TMEM114: variants seen among roughly 807,000 people sequenced by gnomAD.
TMEM114 encodes claudin-26.
A neutral mutation model predicts 6.2 loss-of-function variants in TMEM114; 6 were observed. The observed-to-expected ratio is 0.97, with a 90% CI of 0.53 to 1.91. The LOEUF (loss-of-function observed/expected upper bound fraction) is 1.91. Among genes scored for constraint, TMEM114 ranks in the 40% most tolerant of loss-of-function variants. The pLI is 0.01. For synonymous variants in TMEM114, 104 were observed against 73.0 expected, an observed-to-expected ratio of 1.42 and a Z score of -2.16; for missense variants, 218 against 158.3, an observed-to-expected ratio of 1.38 and a Z score of -2.02.
chr16:8,570,183 C>T (rs1901685106), intron 3 of TMEM114, among the ~76,000 whole-genome samples, 178 bp from the exon 4 acceptor site: 1 of 152,222 alleles, frequency 6.6e-6, no homozygotes, highest in African/African-American at 2.4e-5. Flanking sequence ...GCTTCTCTGC[C>T]TGTCATCGGC....
At chr16:8,552,219 A>C (rs1900868015) in intron 2 of TMEM114, among the ~76,000 whole-genome samples, 1 of 151,984 alleles carries the variant, frequency 6.6e-6, no homozygotes, top group Non-Finnish European at 1.5e-5. Flanking sequence ...TGCAAAAAAA[A>C]AAAAAAATTT....
downstream of TMEM114, among the ~76,000 whole-genome samples, chr16:8,567,174 G>T (rs538449087): frequency 2.6e-5 from 4 of 151,966 alleles, no homozygotes; most frequent in East Asian, 5.8e-4. Context: ...ATCCCAAAGT[G>T]CTGGGATTAC....
chr16:8,559,341 C>T, intron 2 of TMEM114, among the ~76,000 whole-genome samples: 1 of 152,234 alleles, frequency 6.6e-6, no homozygotes, highest in African/African-American at 2.4e-5. Flanking sequence ...CCGGACCCTG[C>T]CTTAATTCCA....
At chr16:8,546,462 A>T (rs531579052) in intron 2 of TMEM114, among the ~76,000 whole-genome samples, 21 of 152,292 alleles carry the variant, frequency 1.4e-4, no homozygotes, top group African/African-American at 4.6e-4. Flanking sequence ...ATCTGCAGCG[A>T]CCAGCCCGGA....
intron 2 of TMEM114, among the ~76,000 whole-genome samples, chr16:8,555,363 G>A (rs756318398): frequency 6.6e-6 from 1 of 152,234 alleles, no homozygotes; most frequent in Non-Finnish European, 1.5e-5. Context: ...AATGTGCTAA[G>A]AGTAGCAGCT....
At chr16:8,535,808 G>A (rs1900339957), downstream of TMEM114, among the ~76,000 whole-genome samples, 1 of 152,328 alleles carries the variant, frequency 6.6e-6, no homozygotes, top group East Asian at 1.9e-4. Flanking sequence ...GCTGCCTGGG[G>A]TGTGTGGAAC....
intron 2 of TMEM114, among the ~76,000 whole-genome samples, chr16:8,547,654 G>A (rs1054288533): frequency 4.6e-5 from 7 of 152,112 alleles, no homozygotes; most frequent in Non-Finnish European, 1.0e-4. Flanking sequence ...GCCTCCCAAA[G>A]TGCTGGGATT....
intron 2 of TMEM114, among the ~76,000 whole-genome samples, chr16:8,554,223 G>A (rs976752686): frequency 3.3e-5 from 5 of 150,916 alleles, no homozygotes; most frequent in Non-Finnish European, 7.4e-5. Context: ...TTCACTGCCT[G>A]GGCCCTGCAA....
At chr16:8,577,077 T>C (rs1405149438) in intron 2 of TMEM114, among the ~76,000 whole-genome samples, 2 of 152,238 alleles carry the variant, frequency 1.3e-5, no homozygotes, top group African/African-American at 4.8e-5. Flanking sequence ...TTACTAGCCA[T>C]GTGACTTCAG....
chr16:8,559,952 C>T (rs186605935), intron 2 of TMEM114, among the ~76,000 whole-genome samples: 10 of 152,202 alleles, frequency 6.6e-5, no homozygotes, highest in Admixed American at 4.6e-4. Flanking sequence ...CTCAGAAGAC[C>T]GGGCTTTGCG....
chr16:8,563,353 GTGAGTGAGGGAGGGAGGGAA>G (rs1901356683), intron 2 of TMEM114, among the ~76,000 whole-genome samples: 1 of 91,960 alleles, frequency 1.1e-5, no homozygotes, highest in Non-Finnish European at 2.5e-5. Context: ...GAGTAAATGA[GTGAGTGAGGGAGGGAGGGAA>G]TGAGTGAATG....
intron 2 of TMEM114, among the ~76,000 whole-genome samples, chr16:8,576,177 C>T (rs1018709870): frequency 6.6e-6 from 1 of 152,194 alleles, no homozygotes; most frequent in Non-Finnish European, 1.5e-5. Flanking sequence ...GCCTCCTTCT[C>T]CCAGCTCATA....
At chr16:8,555,289 T>C (rs567017124) in intron 2 of TMEM114, among the ~76,000 whole-genome samples, 34 of 152,298 alleles carry the variant, frequency 2.2e-4, no homozygotes, top group African/African-American at 7.9e-4. Flanking sequence ...AACAGCTGTA[T>C]TGAGGAGGTG....
At chr16:8,570,923 C>CT (rs1224634289) in intron 3 of TMEM114, among the ~76,000 whole-genome samples, 1 of 152,222 alleles carries the variant, frequency 6.6e-6, no homozygotes, top group Non-Finnish European at 1.5e-5. Context: ...GATTAGGGAA[C>CT]TTCTCCACCA....
chr16:8,581,429 A>G (rs368815541), intron 2 of TMEM114, among the ~76,000 whole-genome samples: 1 of 152,134 alleles, frequency 6.6e-6, no homozygotes, highest in African/African-American at 2.4e-5. Context: ...TTTTTAGAAG[A>G]CTCACATGGC....
intron 2 of TMEM114, among the ~76,000 whole-genome samples, chr16:8,556,104 C>A (rs1025004280): frequency 6.6e-5 from 10 of 152,234 alleles, no homozygotes; most frequent in Non-Finnish European, 1.3e-4. Flanking sequence ...AGAACCCGGT[C>A]TCTTCTTCCT....
chr16:8,538,708 C>A (rs1263313935), intron 2 of TMEM114, among the ~76,000 whole-genome samples: 4 of 151,966 alleles, frequency 2.6e-5, no homozygotes, highest in Non-Finnish European at 5.9e-5. Flanking sequence ...GGGTTTCACC[C>A]TGTTAGCCAG....
Position 8,572,146 on chromosome 16 carries a change from C to T in TMEM114, c.380G>A (p.Ser127Asn). ...MVFGGMTGFL[S>N]FLLQAYLLLL... ...GAGGAGGTAGGCTTGGAGGAGGAAG[C>T]TCAGAAACCCCGTCATCCCCCCAAA... The change falls in exon 3 of 4, where the codon AGC becomes AAC. Residue 127 changes from serine (S) to asparagine (N), a missense_variant. Physicochemically the swap from Ser to Asn is conservative, Grantham distance 46. Coordinates refer to ENST00000620492, the MANE Select transcript of TMEM114 (RefSeq NM_001146336.2). The T allele has an allele frequency of 1.3e-6, 2 of 1,551,556 alleles. No homozygotes were observed. The highest frequency in any genetic ancestry group is 1.7e-6 in the Non-Finnish European group (2 of 1,146,952).
downstream of TMEM114, among the ~76,000 whole-genome samples, chr16:8,537,225 G>T (rs1368633670): frequency 6.6e-6 from 1 of 152,086 alleles, no homozygotes; most frequent in Non-Finnish European, 1.5e-5. Context: ...AACAGGCCAG[G>T]CATGGTGGCT....
Sources: allele counts gnomAD v4.1 joint callset (sites outside exome capture counted in the v4.1 genomes callset), GRCh38; gene constraint gnomAD v4.1.1; transcripts MANE v1.5; gene names NCBI Gene and HGNC (gene_info 2026-07-23, HGNC 2026-07-21).